The following NEK7 variants were observed in gnomAD, a reference collection of about 807,000 sequenced individuals.
NEK7 encodes the protein NIMA related kinase 7.
Under a neutral mutation model 44.6 loss-of-function variants are expected in NEK7, and 18 were observed. That is an observed-to-expected ratio of 0.40 (90% confidence interval 0.28 to 0.60). The LOEUF is 0.60. NEK7 is among the 20% of genes least tolerant of loss of function. NEK7 has a pLI of 0.38. For synonymous variants in NEK7, 130 were observed against 121.1 expected, an observed-to-expected ratio of 1.07 and a Z score of -0.48; for missense variants, 256 against 366.5, an observed-to-expected ratio of 0.70 and a Z score of 2.46.
At chr1:198,258,204 G>T (rs1371224438) in intron 3 of NEK7, among the ~76,000 whole-genome samples, 2 of 152,170 alleles carry the variant, frequency 1.3e-5, no homozygotes, top group Admixed American at 1.3e-4. Flanking sequence ...ATTTTGGGAG[G>T]CTGAGGCGGG....
chr1:198,303,034 C>T (rs1654934666), intron 9 of NEK7, among the ~76,000 whole-genome samples: 1 of 152,120 alleles, frequency 6.6e-6, no homozygotes, highest in Admixed American at 6.6e-5. Flanking sequence ...ATCTCCTTCC[C>T]TAGAAGCATA....
intron 1 of NEK7, among the ~76,000 whole-genome samples, chr1:198,227,207 T>G (rs1666252597): frequency 6.6e-6 from 1 of 152,218 alleles, no homozygotes; most frequent in Non-Finnish European, 1.5e-5. Flanking sequence ...CTCATCCTTT[T>G]TTACGGCTGC....
chr1:198,261,458 G>A (rs1653467393), intron 3 of NEK7, among the ~76,000 whole-genome samples: 1 of 151,946 alleles, frequency 6.6e-6, no homozygotes, highest in Non-Finnish European at 1.5e-5. Context: ...AAAGAGGCCA[G>A]CCCTCTCTGG....
At chr1:198,208,440 GTACGA>G (rs1665659991) in intron 1 of NEK7, 1 of 151,950 alleles carries the variant, frequency 6.6e-6, no homozygotes. Context: ...AAATGCAGTG[GTACGA>G]CTGGTGCTGC....
chr1:198,237,668 T>C (rs1445458715), intron 2 of NEK7, among the ~76,000 whole-genome samples: 1 of 152,232 alleles, frequency 6.6e-6, no homozygotes, highest in Admixed American at 6.5e-5. Context: ...ATCTTCCTAA[T>C]TGATCTCTTT....
chr1:198,299,745 T>C (rs1363512050), intron 9 of NEK7, among the ~76,000 whole-genome samples: 5 of 152,234 alleles, frequency 3.3e-5, no homozygotes, highest in Non-Finnish European at 5.9e-5. Context: ...ATGAGAATAC[T>C]AGCCATACCT....
At chr1:198,315,402 C>T (rs888428047) in intron 9 of NEK7, among the ~76,000 whole-genome samples, 15 of 152,222 alleles carry the variant, frequency 9.9e-5, no homozygotes, top group South Asian at 8.3e-4. Flanking sequence ...TCTTCTGCGT[C>T]GCTTACGCTG....
chr1:198,293,885 G>T (rs1437637994), intron 8 of NEK7, among the ~76,000 whole-genome samples: 1 of 151,776 alleles, frequency 6.6e-6, no homozygotes, highest in Admixed American at 6.6e-5. Context: ...TCATATCTCT[G>T]TGTATATGAG....
chr1:198,210,817 A>G (rs1425783813), intron 1 of NEK7, among the ~76,000 whole-genome samples: 32 of 132,022 alleles, frequency 2.4e-4, no homozygotes, highest in Admixed American at 1.1e-3. Flanking sequence ...CAGTGGCGCA[A>G]TCTTGGCTCA....
intron 9 of NEK7, among the ~76,000 whole-genome samples, chr1:198,306,919 G>T (rs1655039164): frequency 6.6e-6 from 1 of 151,984 alleles, no homozygotes; most frequent in Non-Finnish European, 1.5e-5. Flanking sequence ...ATCAAATTCA[G>T]AATTCAGCCT....
intron 1 of NEK7, among the ~76,000 whole-genome samples, chr1:198,182,715 A>G (rs1426066694): frequency 1.3e-5 from 2 of 152,166 alleles, no homozygotes; most frequent in African/African-American, 4.8e-5. Context: ...ATTTTTACAT[A>G]CTTTAATGGC....
At chr1:198,222,171 A>C (rs532941582) in intron 1 of NEK7, among the ~76,000 whole-genome samples, 2 of 152,084 alleles carry the variant, frequency 1.3e-5, no homozygotes, top group Non-Finnish European at 2.9e-5. Flanking sequence ...ACCATATGCA[A>C]TAATAGGGTA....
At chr1:198,312,548 T>A (rs1383951160) in intron 9 of NEK7, among the ~76,000 whole-genome samples, 1 of 152,198 alleles carries the variant, frequency 6.6e-6, no homozygotes, top group Non-Finnish European at 1.5e-5. Flanking sequence ...CAGTTTTGGA[T>A]CTTTCCTGGT....
rs201055565 is a variant in NEK7, at chr1:198,275,842, C to CA, written c.373-2110dup. 5.4e-3 allele frequency among the ~76,000 whole-genome samples: 776 copies of CA among 144,854 alleles called. 7 individuals carry two copies. The highest frequency in any genetic ancestry group is 7.7e-3 in the Non-Finnish European group (501 of 65,294). On this transcript the variant is annotated intron_variant, in intron 5 of 9. Transcript: ENST00000367385. ...TTTAAGTGTTGGTTTTCTCAAAAAA[C>CA]AAAAAAAAACAAACCCCCAAAACCC...
chr1:198,194,374 A>G (rs1665168068), intron 1 of NEK7, among the ~76,000 whole-genome samples: 1 of 146,952 alleles, frequency 6.8e-6, no homozygotes, highest in Non-Finnish European at 1.5e-5. Flanking sequence ...GGTTTGTTGT[A>G]TACATTATTT....
At chr1:198,190,272 AAAC>A (rs988882606) in intron 1 of NEK7, among the ~76,000 whole-genome samples, 2 of 152,080 alleles carry the variant, frequency 1.3e-5, no homozygotes, top group African/African-American at 4.8e-5. Context: ...CAGTTGCAAC[AAAC>A]AACAGACTTT....
intron 1 of NEK7, among the ~76,000 whole-genome samples, chr1:198,170,569 C>CT (rs1383077398): frequency 2.0e-5 from 3 of 152,110 alleles, no homozygotes; most frequent in Non-Finnish European, 4.4e-5. Context: ...AAAGGTATGA[C>CT]TATCTATTTG....
intron 1 of NEK7, among the ~76,000 whole-genome samples, chr1:198,219,736 T>C (rs1018289480): frequency 1.3e-5 from 2 of 151,948 alleles, no homozygotes; most frequent in Admixed American, 6.6e-5. Context: ...GTTGAAGCAA[T>C]TCAGGGTTTA....
chr1:198,171,561 C>T (rs1664442015), intron 1 of NEK7, among the ~76,000 whole-genome samples: 1 of 152,024 alleles, frequency 6.6e-6, no homozygotes, highest in African/African-American at 2.4e-5. Flanking sequence ...CTCCTGTAAT[C>T]CCAGCTACTC....
Sources: allele counts gnomAD v4.1 joint callset (sites outside exome capture counted in the v4.1 genomes callset), GRCh38; gene constraint gnomAD v4.1.1; transcripts MANE v1.5; gene names NCBI Gene and HGNC (gene_info 2026-07-23, HGNC 2026-07-21).